PPP2R1A: variants seen among roughly 807,000 people sequenced by gnomAD.
PPP2R1A encodes the protein serine/threonine-protein phosphatase 2A 65 kDa regulatory subunit A alpha isoform.
In PPP2R1A, 15 loss-of-function variants were observed where a neutral mutation model predicts 67.1. The ratio of observed to expected loss-of-function variants is 0.22; its 90% CI spans 0.15 to 0.34. The LOEUF (loss-of-function observed/expected upper bound fraction) is 0.34. Among genes scored for constraint, PPP2R1A ranks in the 10% least tolerant of loss-of-function variants. The pLI is 1.00. For missense variants in PPP2R1A, 369 were observed against 775.0 expected, an observed-to-expected ratio of 0.48 and a Z score of 6.22; for synonymous variants, 337 against 325.0, an observed-to-expected ratio of 1.04 and a Z score of -0.40.
chr19:52,201,826 G>A (rs1475489367), intron 1 of PPP2R1A, 118 bp from the exon 2 acceptor site: 3 of 837,590 alleles, frequency 3.6e-6, no homozygotes, highest in African/African-American at 3.4e-5. Context: ...TTACTCTTGA[G>A]CATCTTCACA....
chr19:52,217,794 C>T (rs1978671534), intron 9 of PPP2R1A, among the ~76,000 whole-genome samples: 1 of 152,072 alleles, frequency 6.6e-6, no homozygotes, highest in African/African-American at 2.4e-5. Context: ...TTCAGGTTGC[C>T]TGTATTACAA....
chr19:52,227,314 A>G lies in PPP2R1A; in HGVS notation c.*1333A>G, dbSNP rs1979323111. The G allele has an allele frequency of 6.6e-6, 1 of 152,268 alleles. No homozygotes were observed. The highest frequency in any genetic ancestry group is 1.5e-5 in the Non-Finnish European group (1 of 68,090). The allele number at this position is 152,268 out of a possible 1,614,324, so 9.4% of individuals were successfully genotyped here. ...AGTAGGAGCTGCCACCTGGGGCCAG[A>G]AAATGATCTTAGGCGTGAAGGTCAA... On this transcript the variant is annotated 3_prime_UTR_variant, in exon 15 of 15. Transcript: ENST00000322088.
At position 52,211,503 on chromosome 19, in the gene PPP2R1A, G is replaced by T; in HGVS notation, c.503+11G>T. On this transcript the variant is annotated intron_variant, in intron 4 of 14. Transcript: ENST00000322088. The surrounding 1 kb of genome is among the most constrained non-coding windows in gnomAD (Gnocchi z 5.3). ...GGCGGAACTTCGACAGTGAGTCTCT[G>T]CCTCCTTGGAAGCTCCAAGCTCCCA... 1 of 1,597,946 alleles carries T rather than the reference G, an allele frequency of 6.3e-7. No individual in the cohort carries two copies.
chr19:52,208,246 G>A (rs1386714229), intron 3 of PPP2R1A, among the ~76,000 whole-genome samples: 3 of 152,128 alleles, frequency 2.0e-5, no homozygotes, highest in Non-Finnish European at 4.4e-5. Context: ...TCGGCTCACT[G>A]CAACCTCTGC....
chr19:52,225,726 G>C lies in PPP2R1A; in HGVS notation c.1671G>C (p.Gln557His), dbSNP rs767632211. ...TCCTTTCGCTTTCCAGCACCTTGCA[G>C]AGTGAAGTCAAGCCCATCCTAGAGA... ...IGPILDNSTL[Q>H]SEVKPILEKL... The change falls in exon 14 of 15, where the codon CAG (glutamine) becomes CAC (histidine). Residue 557 changes from glutamine to histidine, a missense_variant. By Grantham distance (24) the Gln-to-His change is conservative. This residue lies in a region of PPP2R1A where 276 missense variants were observed against 508.4 expected (regional missense o/e 0.54). Transcript: ENST00000322088. The C allele has an allele frequency of 2.5e-5, 40 of 1,614,030 alleles. No individual in the cohort carries two copies. Among genetic ancestry groups the C allele is most frequent in the Non-Finnish European group, 3.4e-5 (40 of 1,180,016 alleles).
In PPP2R1A at chr19:52,226,217, G is replaced by A; in HGVS notation, c.*236G>A. The A allele has an allele frequency of 1.6e-6, 1 of 607,528 alleles. No homozygotes were observed. The highest frequency in any genetic ancestry group is 2.9e-6 in the Non-Finnish European group (1 of 350,286). The allele number at this position is 607,528 out of a possible 1,614,324, so 37.6% of individuals were successfully genotyped here. A position where few individuals can be genotyped will look rare whatever the true frequency, so the allele number is the denominator to read the frequency against. On this transcript the variant is annotated 3_prime_UTR_variant, in exon 15 of 15. Coordinates refer to ENST00000322088, the MANE Select transcript of PPP2R1A (RefSeq NM_014225.6). The stretch of plus-strand genomic sequence containing the variant: ...ACAGGACAGTGACCTTGGGAGGAAG[G>A]GGCTACTCCGCCCACGTCAGGGAGA...
chr19:52,195,081 A>G (rs1178415003), intron 1 of PPP2R1A, among the ~76,000 whole-genome samples: 1 of 152,212 alleles, frequency 6.6e-6, no homozygotes, highest in Non-Finnish European at 1.5e-5. Context: ...ATGTGCAGGG[A>G]AAACATACTA....
intron 2 of PPP2R1A, among the ~76,000 whole-genome samples, chr19:52,203,764 GC>G (rs1220633964): frequency 9.2e-5 from 14 of 152,146 alleles, no homozygotes; most frequent in African/African-American, 2.7e-4. Context: ...ACTGTCCCCA[GC>G]CCTGACCACC....
chr19:52,220,278 G>A, intron 11 of PPP2R1A, 29 bp downstream of exon 11: 1 of 1,608,604 alleles, frequency 6.2e-7, no homozygotes, highest in Non-Finnish European at 8.5e-7. Flanking sequence ...GCAGCAAGAG[G>A]AGATGGGAGC....
At chr19:52,215,544 A>G (rs1978513740) in intron 6 of PPP2R1A, among the ~76,000 whole-genome samples, 1 of 152,212 alleles carries the variant, frequency 6.6e-6, no homozygotes, top group Non-Finnish European at 1.5e-5. Flanking sequence ...TGCTGACAAC[A>G]CCGTGAGGTA....
intron 2 of PPP2R1A, among the ~76,000 whole-genome samples, chr19:52,203,195 A>G (rs2089568796): frequency 6.6e-6 from 1 of 152,140 alleles, no homozygotes; most frequent in African/African-American, 2.4e-5. Context: ...TGGAGCCTAA[A>G]GAGGTGCAGT....
intron 1 of PPP2R1A, among the ~76,000 whole-genome samples, chr19:52,197,955 G>A (rs2089511096): frequency 6.6e-6 from 1 of 152,188 alleles, no homozygotes; most frequent in African/African-American, 2.4e-5. Context: ...TGAAAAAAGG[G>A]AAAAGAAACA....
chr19:52,195,429 A>G (rs1423085937), intron 1 of PPP2R1A, among the ~76,000 whole-genome samples: 1 of 152,174 alleles, frequency 6.6e-6, no homozygotes. Context: ...ACCACCACTA[A>G]GCAAGCATTC....
chr19:52,221,583 T>G (rs1480329770), intron 12 of PPP2R1A, among the ~76,000 whole-genome samples: 1 of 152,146 alleles, frequency 6.6e-6, no homozygotes, highest in Non-Finnish European at 1.5e-5. Flanking sequence ...TAATTCATAC[T>G]GTAAAGAATT....
At chr19:52,224,446 C>T (rs1213862771) in intron 13 of PPP2R1A, among the ~76,000 whole-genome samples, 1 of 152,242 alleles carries the variant, frequency 6.6e-6, no homozygotes, top group African/African-American at 2.4e-5. Flanking sequence ...TGGTCTCTTC[C>T]TCCTGGCCCG....
chr19:52,191,170 AT>A (rs1385304476), intron 1 of PPP2R1A: 1 of 152,218 alleles, frequency 6.6e-6, no homozygotes. Flanking sequence ...CCGGATGAAC[AT>A]TCCTGGTTAT....
intron 1 of PPP2R1A, among the ~76,000 whole-genome samples, chr19:52,194,280 G>T (rs1476016510): frequency 6.6e-6 from 1 of 151,950 alleles, no homozygotes; most frequent in Non-Finnish European, 1.5e-5. Flanking sequence ...TGGTACAAAG[G>T]CCAGGAGTGG....
At chr19:52,204,154 C>T (rs1264929936) in intron 2 of PPP2R1A, among the ~76,000 whole-genome samples, 2 of 152,106 alleles carry the variant, frequency 1.3e-5, no homozygotes, top group African/African-American at 4.8e-5. Context: ...GATGTAAGCT[C>T]AGTGTGTTGG....
chr19:52,209,515 C>T (rs934242200), intron 3 of PPP2R1A, among the ~76,000 whole-genome samples: 3 of 152,142 alleles, frequency 2.0e-5, no homozygotes, highest in Admixed American at 1.3e-4. Flanking sequence ...CTTAGTTTTA[C>T]TGTAAAAATA....
Sources: allele counts gnomAD v4.1 joint callset (sites outside exome capture counted in the v4.1 genomes callset), GRCh38; gene constraint gnomAD v4.1.1; regional missense constraint gnomAD v4.1.1; non-coding constraint Gnocchi (gnomAD v3.1); transcripts MANE v1.5; gene names NCBI Gene and HGNC (gene_info 2026-07-23, HGNC 2026-07-21).